Variants in GOPC observed in about 807,000 individuals in gnomAD.
GOPC encodes Golgi-associated PDZ and coiled-coil motif-containing protein.
GOPC carries 32 observed loss-of-function variants against 51.2 expected under a neutral mutation model. That is an observed-to-expected ratio of 0.63 (90% confidence interval 0.47 to 0.84). GOPC has a LOEUF of 0.84. Among genes scored for constraint, GOPC ranks in the 40% least tolerant of loss-of-function variants. GOPC has a pLI of 0.00. For missense variants in GOPC, 441 were observed against 555.5 expected, an observed-to-expected ratio of 0.79 and a Z score of 2.07; for synonymous variants, 190 against 205.1, an observed-to-expected ratio of 0.93 and a Z score of 0.63.
At chr6:117,588,635 G>C (rs1780068198) in intron 1 of GOPC, among the ~76,000 whole-genome samples, 1 of 151,606 alleles carries the variant, frequency 6.6e-6, no homozygotes, top group South Asian at 2.1e-4. Context: ...AACATTTTTT[G>C]GTTTTAGAAA....
chr6:117,565,384 T>A (rs537017394), intron 8 of GOPC, among the ~76,000 whole-genome samples: 1 of 152,192 alleles, frequency 6.6e-6, no homozygotes, highest in South Asian at 2.1e-4. Flanking sequence ...TTCTCTGATA[T>A]TATACAAAAA....
rs757054034 is a variant in GOPC at position 117,563,157 on chromosome 6, C to G, written c.*97G>C. 1 of 1,154,978 alleles carries G rather than the reference C, an allele frequency of 8.7e-7. No homozygotes were observed. The highest frequency in any genetic ancestry group is 1.3e-6 in the Non-Finnish European group (1 of 797,044). The allele number at this position is 1,154,978 out of a possible 1,614,324, so 71.5% of individuals were successfully genotyped here. A position where few individuals can be genotyped will look rare whatever the true frequency, so the allele number is the denominator to read the frequency against. On this transcript the variant is annotated 3_prime_UTR_variant, in exon 9 of 9. Coordinates refer to ENST00000368498, the MANE Select transcript of GOPC (RefSeq NM_020399.4). ...ACCCGCCTTTCATTTAGGCAACAAACAGCCTCCCCTGATTTTGTAGTCTTT... is the reference window on the plus strand; with the variant it reads ...ACCCGCCTTTCATTTAGGCAACAAAGAGCCTCCCCTGATTTTGTAGTCTTT...
chr6:117,601,429 G>C (rs1772008181), intron 1 of GOPC, among the ~76,000 whole-genome samples: 1 of 152,058 alleles, frequency 6.6e-6, no homozygotes, highest in South Asian at 2.1e-4. Flanking sequence ...GCTCTCTGGA[G>C]GTATCTGCCT....
intron 7 of GOPC, among the ~76,000 whole-genome samples, chr6:117,567,649 A>G (rs1644412331): frequency 6.6e-6 from 1 of 152,070 alleles, no homozygotes; most frequent in African/African-American, 2.4e-5. Context: ...ACTAATAGTA[A>G]TTACTATATT....
chr6:117,592,354 G>A (rs966820312), intron 1 of GOPC, among the ~76,000 whole-genome samples: 1 of 151,878 alleles, frequency 6.6e-6, no homozygotes, highest in East Asian at 1.9e-4. Flanking sequence ...GCAACAGAGT[G>A]AGACTCTGTC....
At chr6:117,566,431 C>G (rs1419621418) in intron 8 of GOPC, among the ~76,000 whole-genome samples, 1 of 152,058 alleles carries the variant, frequency 6.6e-6, no homozygotes, top group African/African-American at 2.4e-5. Context: ...TAAGTTGATT[C>G]TAATAGCAAT....
intron 1 of GOPC, among the ~76,000 whole-genome samples, chr6:117,596,806 A>G (rs927090185): frequency 1.3e-5 from 2 of 152,044 alleles, no homozygotes; most frequent in Non-Finnish European, 2.9e-5. Flanking sequence ...CTTATAGTAT[A>G]AAGTCAGGTA....
At chr6:117,566,260 T>C (rs974433849) in intron 8 of GOPC, among the ~76,000 whole-genome samples, 1 of 152,172 alleles carries the variant, frequency 6.6e-6, no homozygotes. Flanking sequence ...ATGAAAAGCT[T>C]TGACCTCATG....
chr6:117,586,628 C>G (rs887465610), intron 1 of GOPC, among the ~76,000 whole-genome samples: 2 of 151,654 alleles, frequency 1.3e-5, no homozygotes, highest in Non-Finnish European at 2.9e-5. Context: ...ACTACAGGTG[C>G]CCACCACCAC....
intron 8 of GOPC, 84 bp from the exon 9 acceptor site, chr6:117,563,468 TC>T: frequency 7.4e-7 from 1 of 1,360,088 alleles, no homozygotes; most frequent in Non-Finnish European, 1.0e-6. Context: ...ATACCTGTAA[TC>T]CCAGCACTTT....
In GOPC at chr6:117,590,587, A is replaced by T. The variant is rs1050889411; in HGVS notation, c.285+11417T>A. Among the ~76,000 whole-genome samples, 11 of 151,752 alleles carry T rather than the reference A, an allele frequency of 7.2e-5. No individual in the cohort carries two copies. The East Asian group carries it at 1.9e-3, about 27-fold the overall frequency. On this transcript the variant is annotated intron_variant, in intron 1 of 8. Coordinates refer to ENST00000368498, the MANE Select transcript of GOPC (RefSeq NM_020399.4). ...ACCCTGTCTCAAAAAAAAAAAAAAA[A>T]AAAAAAGATAAAAAGATTACATTTC...
At chr6:117,590,836 T>TTTGTA (rs1554195594) in intron 1 of GOPC, among the ~76,000 whole-genome samples, 1 of 150,528 alleles carries the variant, frequency 6.6e-6, no homozygotes, top group African/African-American at 2.5e-5. Context: ...AGTTCCAAAT[T>TTTGTA]TTGTTTTGTT....
At position 117,562,543 on chromosome 6, in the gene GOPC, A is replaced by C. The variant is rs903321012; in HGVS notation, c.*711T>G. The C allele has an allele frequency of 4.9e-6, 1 of 203,430 alleles. No homozygotes were observed. Among genetic ancestry groups the C allele is most frequent in the Non-Finnish European group, 1.0e-5 (1 of 99,144 alleles). The allele number at this position is 203,430 out of a possible 1,614,324, so 12.6% of individuals were successfully genotyped here. On this transcript the variant is annotated 3_prime_UTR_variant, in exon 9 of 9. Coordinates refer to ENST00000368498, the MANE Select transcript of GOPC (RefSeq NM_020399.4). Reference sequence around the variant, plus strand: ...ACATAATTGAGAACAGATGTTTTACACTCATCTGCATTTCTTTTAAAAAAC... The same window carrying C: ...ACATAATTGAGAACAGATGTTTTACCCTCATCTGCATTTCTTTTAAAAAAC...
intron 1 of GOPC, among the ~76,000 whole-genome samples, chr6:117,586,922 A>C (rs1038456964): frequency 2.6e-5 from 4 of 152,180 alleles, no homozygotes; most frequent in African/African-American, 9.7e-5. Context: ...CATTTAACTC[A>C]TTCACTTTAT....
At chr6:117,588,718 T>C (rs899474626) in intron 1 of GOPC, among the ~76,000 whole-genome samples, 2 of 151,682 alleles carry the variant, frequency 1.3e-5, no homozygotes, top group South Asian at 4.1e-4. Flanking sequence ...TTTTAAATGA[T>C]GTAATAAAGT....
intron 8 of GOPC, among the ~76,000 whole-genome samples, chr6:117,565,535 T>A (rs1381455341): frequency 1.3e-5 from 2 of 152,176 alleles, no homozygotes; most frequent in African/African-American, 4.8e-5. Flanking sequence ...ATTTGAAAAA[T>A]ATTGGACCAT....
chr6:117,565,564 C>T (rs1363737923), intron 8 of GOPC, among the ~76,000 whole-genome samples: 2 of 152,070 alleles, frequency 1.3e-5, no homozygotes, highest in African/African-American at 2.4e-5. Context: ...GTAGCAATTC[C>T]AAAAGTTGAC....
chr6:117,585,675 A>G (rs1322453978), intron 1 of GOPC, among the ~76,000 whole-genome samples: 1 of 152,196 alleles, frequency 6.6e-6, no homozygotes, highest in Non-Finnish European at 1.5e-5. Flanking sequence ...TGAGCTCCAA[A>G]TGACAGCATA....
At chr6:117,563,496 T>A in intron 8 of GOPC, 112 bp from the exon 9 acceptor site, 5 of 951,820 alleles carry the variant, frequency 5.3e-6, no homozygotes, top group Non-Finnish European at 8.1e-6. Context: ...CCAAGGTGGG[T>A]GGATAACCTG....
Sources: gnomAD v4.1 joint callset for allele counts (sites outside exome capture counted in the v4.1 genomes callset) on GRCh38, gnomAD v4.1.1 for gene constraint, MANE v1.5 for transcripts, NCBI Gene and HGNC (gene_info 2026-07-23, HGNC 2026-07-21) for gene names.